Variants in UST observed in about 807,000 individuals in gnomAD.
UST encodes the protein chondroitin sulfate 2-O-sulfotransferase.
A neutral mutation model predicts 45.6 loss-of-function variants in UST; 21 were observed. The observed-to-expected ratio is 0.46, with a 90% CI of 0.33 to 0.66. The LOEUF is 0.66. Ranked by LOEUF, UST falls within the 30% of genes least tolerant of loss-of-function variation. The pLI is 0.02. For synonymous variants in UST, 215 were observed against 200.6 expected (o/e 1.07, Z -0.61); for missense variants, 463 against 512.4 (o/e 0.90, Z 0.93).
intron 1 of UST, among the ~76,000 whole-genome samples, chr6:148,806,287 A>G (rs1777144410): frequency 6.6e-6 from 1 of 152,202 alleles, no homozygotes; most frequent in South Asian, 2.1e-4. Flanking sequence ...TTATTTTAAA[A>G]GTGGTCACTA....
chr6:148,798,231 C>T (rs1260482151), intron 1 of UST, among the ~76,000 whole-genome samples: 1 of 152,194 alleles, frequency 6.6e-6, no homozygotes, highest in Non-Finnish European at 1.5e-5. Context: ...CAGGGTGAGT[C>T]TAACCACACA....
chr6:148,908,213 C>G (rs1024333573), intron 2 of UST, among the ~76,000 whole-genome samples: 4 of 152,158 alleles, frequency 2.6e-5, no homozygotes, highest in African/African-American at 9.7e-5. Context: ...AATTTTAAAT[C>G]TGCCAGAAAA....
intron 7 of UST, among the ~76,000 whole-genome samples, chr6:149,037,315 T>C (rs1776252240): frequency 6.6e-6 from 1 of 151,978 alleles, no homozygotes; most frequent in South Asian, 2.1e-4. Flanking sequence ...TCCATTTGAG[T>C]TTTTTCCCCT....
At chr6:149,046,514 C>T (rs1776397716) in intron 7 of UST, among the ~76,000 whole-genome samples, 1 of 152,216 alleles carries the variant, frequency 6.6e-6, no homozygotes, top group East Asian at 1.9e-4. Flanking sequence ...ATAGGTCAAT[C>T]ATGGTCTTTG....
intron 1 of UST, among the ~76,000 whole-genome samples, chr6:148,799,893 G>C (rs913589662): frequency 1.3e-5 from 2 of 152,130 alleles, no homozygotes; most frequent in African/African-American, 4.8e-5. Flanking sequence ...TTAGAAGGAG[G>C]TATCAGAGGA....
At chr6:148,891,398 A>G (rs1779015646) in intron 2 of UST, among the ~76,000 whole-genome samples, 1 of 152,250 alleles carries the variant, frequency 6.6e-6, no homozygotes, top group African/African-American at 2.4e-5. Context: ...CGCCTCAAAG[A>G]TAATAAAATC....
At position 148,784,768 on chromosome 6, in the gene UST, A is replaced by G. The variant is rs1388112940; in HGVS notation, c.247+37091A>G. Among the ~76,000 whole-genome samples, 8 of 152,392 alleles carry G rather than the reference A, an allele frequency of 5.2e-5. No individual in the cohort carries two copies. The East Asian group carries it at 1.5e-3, about 29-fold the overall frequency. ...AATGGCAAGCATTCTGCCTCAAGTC[A>G]GGTAGAAACAATAGACTGGTAAAAG... On this transcript the variant is annotated intron_variant, in intron 1 of 7. Coordinates refer to ENST00000367463, the MANE Select transcript of UST (RefSeq NM_005715.3).
chr6:148,838,588 C>A (rs1477245715), intron 1 of UST, among the ~76,000 whole-genome samples: 7 of 152,054 alleles, frequency 4.6e-5, no homozygotes, highest in African/African-American at 1.7e-4. Context: ...CAAGGCTCTC[C>A]TTCTCCTTTA....
chr6:148,897,070 T>C (rs2114857785), intron 2 of UST, among the ~76,000 whole-genome samples: 1 of 152,298 alleles, frequency 6.6e-6, no homozygotes. Flanking sequence ...TTCTGGTAAC[T>C]CAGTTTGCTA....
At chr6:149,027,433 A>G (rs531870316) in intron 7 of UST, among the ~76,000 whole-genome samples, 18 of 152,322 alleles carry the variant, frequency 1.2e-4, no homozygotes, top group Admixed American at 5.2e-4. Context: ...TTTCAAGTGG[A>G]TGGTCTTTAA....
intron 1 of UST, among the ~76,000 whole-genome samples, chr6:148,793,063 C>A (rs1380587042): frequency 6.6e-6 from 1 of 151,972 alleles, no homozygotes; most frequent in Non-Finnish European, 1.5e-5. Context: ...TGTGATACAG[C>A]AGTTGAGAAA....
At position 148,914,827 on chromosome 6, in the gene UST, A is replaced by G. The variant is rs952559414; in HGVS notation, c.292-26452A>G. ...ACTAAATATATAAAATCTAATATAT[A>G]CATTGATATTTATACATGTAATATA... On this transcript the variant is annotated intron_variant, in intron 2 of 7. Coordinates refer to ENST00000367463, the MANE Select transcript of UST (RefSeq NM_005715.3). Among the ~76,000 whole-genome samples the G allele has an allele frequency of 2.0e-5, 3 of 152,178 alleles. No individual in the cohort carries two copies. In the East Asian group the frequency reaches 5.8e-4, roughly 29 times the overall value.
rs144789875 is a variant in UST at position 148,771,907 on chromosome 6, G to C, written c.247+24230G>C. On this transcript the variant is annotated intron_variant, in intron 1 of 7. Coordinates refer to ENST00000367463, the MANE Select transcript of UST (RefSeq NM_005715.3). Reference sequence around the variant, plus strand: ...TCTAAGGTGCACACTAGCTCATTGGGAAAGGGTGGCCTCTGTCTTCCTACC... The same window carrying C: ...TCTAAGGTGCACACTAGCTCATTGGCAAAGGGTGGCCTCTGTCTTCCTACC... Among the ~76,000 whole-genome samples, 1,329 of 152,260 alleles carry C rather than the reference G, an allele frequency of 8.7e-3. 10 individuals are homozygous for C. The highest frequency in any genetic ancestry group is 0.014 in the Non-Finnish European group (986 of 68,014).
chr6:149,011,316 G>A (rs1397846666), intron 5 of UST, among the ~76,000 whole-genome samples: 1 of 152,174 alleles, frequency 6.6e-6, no homozygotes, highest in Non-Finnish European at 1.5e-5. Context: ...AGACTGGAAA[G>A]GGTAATGGCA....
At chr6:148,892,177 G>A (rs1156827748) in intron 2 of UST, among the ~76,000 whole-genome samples, 1 of 152,196 alleles carries the variant, frequency 6.6e-6, no homozygotes. Flanking sequence ...AAGAGTCGTA[G>A]TCTGACGTTT....
chr6:148,824,772 G>A (rs1171261133), intron 1 of UST, among the ~76,000 whole-genome samples: 1 of 142,870 alleles, frequency 7.0e-6, no homozygotes, highest in Non-Finnish European at 1.5e-5. Context: ...CTGGTGCGCT[G>A]CACCCACTAA....
At chr6:149,056,282 A>G in intron 7 of UST, among the ~76,000 whole-genome samples, 1 of 151,598 alleles carries the variant, frequency 6.6e-6, no homozygotes, top group East Asian at 1.9e-4. Context: ...TAATTTTTGC[A>G]TTTTTAGTGG....
chr6:148,976,636 G>A (rs114171727), intron 5 of UST, among the ~76,000 whole-genome samples: 2,963 of 152,224 alleles, frequency 0.019, 83 homozygotes, highest in African/African-American at 0.055. Context: ...CATTTCTCTC[G>A]TTATGAGTGA....
At chr6:148,971,937 G>C (rs549679675) in intron 5 of UST, among the ~76,000 whole-genome samples, 8 of 152,320 alleles carry the variant, frequency 5.3e-5, no homozygotes, top group Admixed American at 2.0e-4. Context: ...GGCTACTGCA[G>C]TGATCCAAGT....
Sources: allele counts gnomAD v4.1 joint callset (sites outside exome capture counted in the v4.1 genomes callset), GRCh38; gene constraint gnomAD v4.1.1; transcripts MANE v1.5; gene names NCBI Gene and HGNC (gene_info 2026-07-23, HGNC 2026-07-21).